Variants in L3MBTL1 observed in about 807,000 individuals in gnomAD.
L3MBTL1 encodes lethal(3)malignant brain tumor-like protein 1.
L3MBTL1 carries 75 observed loss-of-function variants against 105.3 expected under a neutral mutation model. That is an observed-to-expected ratio of 0.71 (90% CI 0.59 to 0.86). The LOEUF is 0.86. Ranked by LOEUF, L3MBTL1 falls within the 40% of genes least tolerant of loss-of-function variation. L3MBTL1 has a pLI of 0.00. For missense variants in L3MBTL1, 1,069 were observed against 1,126.4 expected (o/e 0.95, Z 0.73); for synonymous variants, 452 against 436.2 (o/e 1.04, Z -0.45).
intron 7 of L3MBTL1, among the ~76,000 whole-genome samples, chr20:43,519,783 G>A (rs1189680981): frequency 2.6e-5 from 4 of 152,188 alleles, no homozygotes; most frequent in African/African-American, 2.4e-5. Flanking sequence ...TGGGACTACA[G>A]GCACCCTGCT....
At chr20:43,514,299 T>G in intron 3 of L3MBTL1, 1 of 836,970 alleles carries the variant, frequency 1.2e-6, no homozygotes, top group African/African-American at 1.8e-5. Context: ...CCTGTGGGTG[T>G]CTGGGGGCGT....
At chr20:43,508,321 C>T (rs951570509) in intron 1 of L3MBTL1, among the ~76,000 whole-genome samples, 2 of 152,092 alleles carry the variant, frequency 1.3e-5, no homozygotes, top group Non-Finnish European at 2.9e-5. Flanking sequence ...CTATACCAGT[C>T]CCGGGAGGCT....
At position 43,520,464 on chromosome 20, in the gene L3MBTL1, G is replaced by C. The variant is rs142336515; in HGVS notation, c.862+4287G>C. On this transcript the variant is annotated intron_variant, in intron 7 of 21. Coordinates refer to ENST00000418998, the MANE Select transcript of L3MBTL1 (RefSeq NM_001377303.1). ...GGTAACTCCATGTTTAGCCTTTTGA[G>C]GAACTGTCACACTGTTTTTCAAAGT... Among the ~76,000 whole-genome samples the C allele has an allele frequency of 4.2e-4, 64 of 152,296 alleles. 1 individual carries two copies. The East Asian group carries it at 0.011, about 26-fold the overall frequency.
intron 7 of L3MBTL1, among the ~76,000 whole-genome samples, chr20:43,526,962 A>G (rs1468962969): frequency 6.6e-6 from 1 of 152,098 alleles, no homozygotes; most frequent in Non-Finnish European, 1.5e-5. Context: ...AGACAAACAA[A>G]AACAAAAAAC....
At chr20:43,528,436 G>A (rs1218465933) in intron 7 of L3MBTL1, among the ~76,000 whole-genome samples, 1 of 152,180 alleles carries the variant, frequency 6.6e-6, no homozygotes, top group Non-Finnish European at 1.5e-5. Flanking sequence ...TGAGCGGGTG[G>A]GGGGGAAGTG....
intron 14 of L3MBTL1, 83 bp from the exon 15 acceptor site, chr20:43,534,201 C>G: frequency 3.9e-6 from 6 of 1,532,914 alleles, no homozygotes; most frequent in Non-Finnish European, 3.6e-6. Flanking sequence ...CCAGTTTCCC[C>G]AGGCACAGCA....
In L3MBTL1 at chr20:43,540,062, C is replaced by G. The variant is rs758913794; in HGVS notation, c.2174-89C>G. 8.6e-6 allele frequency: 13 copies of G among 1,508,458 alleles called. No individual in the cohort carries two copies. In the African/African-American group the frequency reaches 1.8e-4, roughly 21 times the overall value. 93.4% of individuals were successfully genotyped at this position (1,508,458 alleles called of 1,614,324 possible). On this transcript the variant is annotated intron_variant, in intron 19 of 21. Coordinates refer to ENST00000418998, the MANE Select transcript of L3MBTL1 (RefSeq NM_001377303.1). Reference sequence around the variant, plus strand: ...CCGGAGTCCTGTCTACTCTGCCAGCCAGTCTCCTGAGTGGTGTGGGTATGC... The same window carrying G: ...CCGGAGTCCTGTCTACTCTGCCAGCGAGTCTCCTGAGTGGTGTGGGTATGC...
intron 1 of L3MBTL1, 92 bp from the exon 2 acceptor site, chr20:43,513,384 C>A: frequency 7.5e-7 from 1 of 1,329,512 alleles, no homozygotes; most frequent in Non-Finnish European, 1.0e-6. Flanking sequence ...AGGTGGCTAG[C>A]TTCTCAAAGA....
chr20:43,540,296 G>A lies in L3MBTL1; in HGVS notation c.2319G>A (p.Trp773Ter). The A allele has an allele frequency of 6.2e-7, 1 of 1,613,684 alleles. No homozygotes were observed. Among genetic ancestry groups the A allele is most frequent in the Non-Finnish European group, 8.5e-7 (1 of 1,180,022 alleles). The change falls in exon 20 of 22, where the codon TGG becomes TGA. Residue 773 changes from tryptophan (W) to a stop codon, truncating the protein, a stop_gained. Transcript: ENST00000418998. LOFTEE classifies it high-confidence loss of function. ...AGISASTVAK[W>*]TIDEVFGFVQ... ...TCTCAGCCTCGACAGTCGCCAAGTGGACCATCGATGAGGTGAGGAGCGAGG... is the reference window on the plus strand; with the variant it reads ...TCTCAGCCTCGACAGTCGCCAAGTGAACCATCGATGAGGTGAGGAGCGAGG...
At chr20:43,527,576 G>A (rs1008607103) in intron 7 of L3MBTL1, among the ~76,000 whole-genome samples, 5 of 96,500 alleles carry the variant, frequency 5.2e-5, no homozygotes, top group Non-Finnish European at 1.1e-4. Context: ...TGTGCACATA[G>A]GCTGTGTGTG....
chr20:43,523,107 A>G (rs2018823156), intron 7 of L3MBTL1, among the ~76,000 whole-genome samples: 1 of 151,138 alleles, frequency 6.6e-6, no homozygotes, highest in Non-Finnish European at 1.5e-5. Flanking sequence ...ACCCTGTCTC[A>G]AAAAAAAATA....
Position 43,522,541 on chromosome 20 carries a change from C to T in L3MBTL1, c.863-6116C>T, listed in dbSNP as rs1045529117. On this transcript the variant is annotated intron_variant, in intron 7 of 21. Coordinates refer to ENST00000418998, the MANE Select transcript of L3MBTL1 (RefSeq NM_001377303.1). ...GGCTGGAGTGCAGTGGTGCGATGTCCGCTCACTGTGACCCCCGCCTTGCAA... is the reference window on the plus strand; with the variant it reads ...GGCTGGAGTGCAGTGGTGCGATGTCTGCTCACTGTGACCCCCGCCTTGCAA... Among the ~76,000 whole-genome samples the T allele has an allele frequency of 5.9e-5, 8 of 134,520 alleles. No homozygotes were observed. In the South Asian group the frequency reaches 7.5e-4, roughly 13 times the overall value. 88.3% of individuals were successfully genotyped at this position (134,520 alleles called of 152,430 possible). A position where few individuals can be genotyped will look rare whatever the true frequency, so the allele number is the denominator to read the frequency against.
chr20:43,536,423 C>T lies in L3MBTL1; in HGVS notation c.2138C>T (p.Pro713Leu), dbSNP rs778057037. ...PRHHGRIGRPPKYRKIPQEDF... is the reference protein window; with the variant it reads ...PRHHGRIGRPLKYRKIPQEDF... ...TCTTTCTCCAGAATTGGACGCCCTC[C>T]GAAGTATCGAAAGATTCCGCAGGAA... The change falls in exon 19 of 22, where the codon CCG (proline) becomes CTG (leucine). Residue 713 changes from proline to leucine, a missense_variant. Physicochemically the swap from Pro to Leu is moderately conservative, Grantham distance 98. Transcript: ENST00000418998. The T allele has an allele frequency of 2.2e-5, 35 of 1,613,936 alleles. No individual in the cohort carries two copies. Among genetic ancestry groups the T allele is most frequent in the Admixed American group, 8.3e-5 (5 of 60,012 alleles).
intron 7 of L3MBTL1, among the ~76,000 whole-genome samples, chr20:43,519,475 AAAAAT>A (rs1380966938): frequency 3.3e-5 from 5 of 152,044 alleles, no homozygotes; most frequent in Non-Finnish European, 5.9e-5. Context: ...CATCTCTACT[AAAAAT>A]ACAAAATTAG....
intron 7 of L3MBTL1, among the ~76,000 whole-genome samples, chr20:43,528,435 G>C (rs559674934): frequency 2.0e-5 from 3 of 152,270 alleles, no homozygotes; most frequent in East Asian, 3.9e-4. Context: ...CTGAGCGGGT[G>C]GGGGGGAAGT....
chr20:43,546,112 G>C (rs933606972), downstream of L3MBTL1, among the ~76,000 whole-genome samples: 3 of 152,246 alleles, frequency 2.0e-5, no homozygotes, highest in Non-Finnish European at 4.4e-5. Flanking sequence ...CAGAGTGGAA[G>C]GAGTGGGCAG....
Position 43,535,935 on chromosome 20 carries a change from C to T in L3MBTL1, c.1924C>T (p.Arg642Trp), listed in dbSNP as rs566855653. The T allele has an allele frequency of 5.6e-6, 9 of 1,609,948 alleles. No individual in the cohort carries two copies. Among genetic ancestry groups the T allele is most frequent in the South Asian group, 1.1e-5 (1 of 90,796 alleles). The stretch of plus-strand genomic sequence containing the variant: ...GACCTCCAAATACAGCTTTCACCAC[C>T]GGTGAGTGAAGGTTCCTGGTGAGAG... ...TRTSKYSFHH[R>W]KCPTPGCDGS... Residue 642 changes from arginine (R) to tryptophan (W), a missense_variant and splice_region_variant, in exon 17 of 22, where the codon CGG becomes TGG. Coordinates refer to ENST00000418998, the MANE Select transcript of L3MBTL1 (RefSeq NM_001377303.1).
chr20:43,530,253 T>C (rs552026629), intron 9 of L3MBTL1, 31 bp from the exon 10 acceptor site: 13 of 1,612,986 alleles, frequency 8.1e-6, no homozygotes, highest in South Asian at 3.3e-5. Flanking sequence ...TCTCCTGACA[T>C]TGGAGTTCCT....
At chr20:43,539,163 G>A (rs938229884) in intron 19 of L3MBTL1, 1 of 152,392 alleles carries the variant, frequency 6.6e-6, no homozygotes, top group African/African-American at 2.4e-5. Flanking sequence ...GAGAGGGCAG[G>A]ACAATCTGTG....
Sources: allele counts gnomAD v4.1 joint callset (sites outside exome capture counted in the v4.1 genomes callset), GRCh38; gene constraint gnomAD v4.1.1; transcripts MANE v1.5; gene names NCBI Gene and HGNC (gene_info 2026-07-23, HGNC 2026-07-21).